NPRL3: variants seen among roughly 807,000 people sequenced by gnomAD.
NPRL3 encodes GATOR1 complex protein NPRL3.
A neutral mutation model predicts 57.2 loss-of-function variants in NPRL3; 23 were observed. That is an observed-to-expected ratio of 0.40 (90% CI 0.29 to 0.57). NPRL3 has a LOEUF of 0.57. Among genes scored for constraint, NPRL3 ranks in the 20% least tolerant of loss-of-function variants. The pLI, the probability that NPRL3 is intolerant of heterozygous loss-of-function variation, is 0.42. For missense variants in NPRL3, 691 were observed against 767.1 expected (o/e 0.90, Z 1.17); for synonymous variants, 333 against 321.1 (o/e 1.04, Z -0.39).
Position 130,611 on chromosome 16 carries a change from G to T in NPRL3, c.119-20C>A. 3.9e-6 allele frequency: 6 copies of T among 1,552,002 alleles called. No homozygotes were observed. Among genetic ancestry groups the T allele is most frequent in the Non-Finnish European group, 4.4e-6 (5 of 1,147,474 alleles). On this transcript the variant is annotated intron_variant, in intron 2 of 13. Coordinates refer to ENST00000611875, the MANE Select transcript of NPRL3 (RefSeq NM_001077350.3). ...GCTTACCTGAGTCGGGGCGAAAAGAGGGGAAGGGCTAAGAAAACAGGGTCC... is the reference window on the plus strand; with the variant it reads ...GCTTACCTGAGTCGGGGCGAAAAGATGGGAAGGGCTAAGAAAACAGGGTCC...
chr16:131,110 G>A (rs1284041700), intron 2 of NPRL3, among the ~76,000 whole-genome samples: 2 of 152,244 alleles, frequency 1.3e-5, no homozygotes, highest in Non-Finnish European at 2.9e-5. Context: ...CAAGGTGGGT[G>A]GATCACCTGA....
At chr16:86,891 T>C (rs368829171) in intron 13 of NPRL3, 21 bp from the exon 14 acceptor site, 112 of 1,604,794 alleles carry the variant, frequency 7.0e-5, no homozygotes, top group Non-Finnish European at 8.2e-5. Context: ...TGGGTGGGTG[T>C]GAGCCCAACC....
At chr16:96,392 G>A (rs961846475) in intron 9 of NPRL3, among the ~76,000 whole-genome samples, 16 of 152,226 alleles carry the variant, frequency 1.1e-4, no homozygotes, top group African/African-American at 3.1e-4. Flanking sequence ...GGACACGGAG[G>A]GTCACTGCCT....
intron 12 of NPRL3, chr16:89,338 G>T: frequency 3.6e-6 from 1 of 279,550 alleles, no homozygotes. Context: ...CTGGCAACAG[G>T]CTGCTGCCCT....
intron 5 of NPRL3, among the ~76,000 whole-genome samples, 181 bp downstream of exon 5, chr16:117,120 T>C (rs552214720): frequency 1.3e-5 from 2 of 152,294 alleles, no homozygotes; most frequent in East Asian, 1.9e-4. Context: ...TGACAAATAG[T>C]GTTATGTGTA....
chr16:89,911 G>A lies in NPRL3; in HGVS notation c.1162-9C>T. 6.5e-7 allele frequency: 1 copy of A among 1,543,148 alleles called. No homozygotes were observed. The highest frequency in any genetic ancestry group is 8.7e-7 in the Non-Finnish European group (1 of 1,144,102). ...ATCTGGATGAGCTGGGTCTGCGGGT[G>A]GCAGCAGGTGAGGCTGGTCCCCCTC... is the stretch of plus-strand genomic sequence containing the variant. On this transcript the variant is annotated splice_polypyrimidine_tract_variant and intron_variant, in intron 11 of 13. Coordinates refer to ENST00000611875, the MANE Select transcript of NPRL3 (RefSeq NM_001077350.3).
At chr16:95,985 C>T (rs1473187785) in intron 9 of NPRL3, among the ~76,000 whole-genome samples, 2 of 152,166 alleles carry the variant, frequency 1.3e-5, no homozygotes, top group Admixed American at 6.5e-5. Context: ...GCTTCCGCAC[C>T]GCCACACCAG....
chr16:134,558 G>C (rs1368083385), intron 2 of NPRL3, among the ~76,000 whole-genome samples: 1 of 152,086 alleles, frequency 6.6e-6, no homozygotes, highest in East Asian at 1.9e-4. Context: ...GCTTGGGAGT[G>C]GGACCTAATG....
intron 7 of NPRL3, among the ~76,000 whole-genome samples, chr16:107,622 A>G (rs1199075948): frequency 1.3e-5 from 2 of 152,072 alleles, no homozygotes; most frequent in Non-Finnish European, 2.9e-5. Context: ...AGAAGAAGAA[A>G]AAGAAATATA....
chr16:125,512 A>G (rs1439611591), intron 3 of NPRL3, among the ~76,000 whole-genome samples: 1 of 152,222 alleles, frequency 6.6e-6, no homozygotes, highest in Non-Finnish European at 1.5e-5. Flanking sequence ...GCCATCAGCT[A>G]ACACTCAGAG....
At chr16:118,492 C>A (rs1449874904) in intron 4 of NPRL3, among the ~76,000 whole-genome samples, 1 of 152,112 alleles carries the variant, frequency 6.6e-6, no homozygotes, top group East Asian at 1.9e-4. Flanking sequence ...AAGGGTTTCA[C>A]GATGCTAGTT....
rs1313877751 is a variant in NPRL3 at position 95,368 on chromosome 16, CACACACA to C, written c.925-2050_925-2044del. On this transcript the variant is annotated intron_variant, in intron 9 of 13. Transcript: ENST00000611875. ...ATATATATACACACACACACACACACACACACACACACACACAATAAAATGTATATAT... is the reference window on the plus strand; with the variant it reads ...ATATATATACACACACACACACACACCACACACACAATAAAATGTATATAT... Among the ~76,000 whole-genome samples the C allele has an allele frequency of 3.9e-3, 571 of 146,896 alleles. 4 individuals carry two copies. The highest frequency in any genetic ancestry group is 0.014 in the African/African-American group (530 of 39,250).
chr16:134,228 T>TAC (rs143824948), intron 2 of NPRL3, among the ~76,000 whole-genome samples: 77 of 151,018 alleles, frequency 5.1e-4, no homozygotes, highest in Non-Finnish European at 9.0e-4. Context: ...TATGCACATG[T>TAC]ACACACACAC....
In NPRL3 at chr16:124,063, C is replaced by T. The variant is rs1165514943; in HGVS notation, c.189-4808G>A. 2.7e-5 allele frequency among the ~76,000 whole-genome samples: 4 copies of T among 146,036 alleles called. No individual in the cohort carries two copies. In the East Asian group the frequency reaches 6.2e-4, roughly 23 times the overall value. ...ATCACACACTCCCCACGCTGAGAAA[C>T]AGGATCACACACTCCCCACGCTGAG... On this transcript the variant is annotated intron_variant, in intron 3 of 13. Coordinates refer to ENST00000611875, the MANE Select transcript of NPRL3 (RefSeq NM_001077350.3).
At chr16:131,986 C>T (rs1900829373) in intron 2 of NPRL3, among the ~76,000 whole-genome samples, 1 of 147,596 alleles carries the variant, frequency 6.8e-6, no homozygotes, top group African/African-American at 2.5e-5. Flanking sequence ...CATTCCATTT[C>T]CAGAAGCTAC....
rs769778379 is a variant in NPRL3, at chr16:89,785, C to T, written c.1279G>A (p.Asp427Asn). Residue 427 changes from aspartate (D) to asparagine (N), a missense_variant, in exon 12 of 14, where the codon GAC (aspartate) becomes AAC (asparagine). Transcript: ENST00000611875. ...CCGACCCGGGCAGTGAAGGGGACGTCGTCCTCTCGCGGACGGGGCTCCTCC... is the reference window on the plus strand; with the variant it reads ...CCGACCCGGGCAGTGAAGGGGACGTTGTCCTCTCGCGGACGGGGCTCCTCC... ...SEEEPRPRED[D>N]VPFTARVGGR... 6 of 1,600,442 alleles carry T rather than the reference C, an allele frequency of 3.7e-6. No homozygotes were observed. The highest frequency in any genetic ancestry group is 2.3e-5 in the East Asian group (1 of 44,006).
rs375562061 is a variant in NPRL3, at chr16:92,612, G to A, written c.1145C>T (p.Ala382Val). The A allele has an allele frequency of 1.1e-5, 18 of 1,613,308 alleles. No homozygotes were observed. Among genetic ancestry groups the A allele is most frequent in the South Asian group, 4.4e-5 (4 of 90,968 alleles). The change falls in exon 11 of 14, where the codon GCC becomes GTC. Residue 382 changes from alanine to valine, a missense_variant. Coordinates refer to ENST00000611875, the MANE Select transcript of NPRL3 (RefSeq NM_001077350.3). ...VSLSEFRNPL[A>V]PAVQETQLIQ... ...GTGACTCACCTCCTGCACAGCGGGG[G>A]CCAGGGGATTCCTAAATTCTGACAA...
chr16:128,868 T>C (rs1211958662), intron 3 of NPRL3, among the ~76,000 whole-genome samples: 1 of 152,118 alleles, frequency 6.6e-6, no homozygotes, highest in Non-Finnish European at 1.5e-5. Context: ...AGCAGGGGCT[T>C]GCGGGCCTAC....
chr16:128,625 G>A (rs555883551), intron 3 of NPRL3, among the ~76,000 whole-genome samples: 69 of 152,294 alleles, frequency 4.5e-4, no homozygotes, highest in Admixed American at 1.0e-3. Flanking sequence ...AAAATTAGCC[G>A]GGCGTGGTGG....
Sources: allele counts gnomAD v4.1 joint callset (sites outside exome capture counted in the v4.1 genomes callset), GRCh38; gene constraint gnomAD v4.1.1; transcripts MANE v1.5; gene names NCBI Gene and HGNC (gene_info 2026-07-23, HGNC 2026-07-21).